Variants in ADGRE3 observed in about 807,000 individuals in gnomAD.
The protein encoded by ADGRE3 is adhesion G protein-coupled receptor E3.
In ADGRE3, 88 loss-of-function variants were observed where a neutral mutation model predicts 80.1. The observed-to-expected ratio is 1.10, with a 90% CI of 0.93 to 1.31. ADGRE3 has a LOEUF of 1.31. ADGRE3 is among the 40% of genes most tolerant of loss of function. ADGRE3 has a pLI of 0.00. For synonymous variants in ADGRE3, 281 were observed against 294.8 expected, an observed-to-expected ratio of 0.95 and a Z score of 0.48; for missense variants, 715 against 776.5, an observed-to-expected ratio of 0.92 and a Z score of 0.94.
intron 5 of ADGRE3, among the ~76,000 whole-genome samples, chr19:14,656,687 G>A (rs1971774933): frequency 1.3e-5 from 2 of 152,282 alleles, no homozygotes; most frequent in African/African-American, 2.4e-5. Context: ...TCTAGTCCCA[G>A]GCAGCCTTTT....
chr19:14,631,890 G>A (rs928108740), intron 13 of ADGRE3, among the ~76,000 whole-genome samples: 4 of 151,972 alleles, frequency 2.6e-5, no homozygotes, highest in Admixed American at 6.6e-5. Flanking sequence ...AGCAGGAAGA[G>A]GGACAGCCAT....
At chr19:14,631,274 C>G (rs1018383219) in intron 13 of ADGRE3, among the ~76,000 whole-genome samples, 38 of 151,920 alleles carry the variant, frequency 2.5e-4, no homozygotes, top group African/African-American at 8.7e-4. Context: ...GTGATGAGTA[C>G]CTTAAATACC....
chr19:14,626,410 C>T (rs751882894), intron 14 of ADGRE3, among the ~76,000 whole-genome samples: 1 of 151,912 alleles, frequency 6.6e-6, no homozygotes, highest in Non-Finnish European at 1.5e-5. Flanking sequence ...GCACTCCAGC[C>T]TGGGAGACAG....
At chr19:14,639,922 C>A (rs188813182) in intron 10 of ADGRE3, among the ~76,000 whole-genome samples, 1 of 152,250 alleles carries the variant, frequency 6.6e-6, no homozygotes, top group Non-Finnish European at 1.5e-5. Flanking sequence ...CAATAGCTCT[C>A]TTGTATTTAT....
chr19:14,635,632 T>C (rs1971016667), intron 11 of ADGRE3, among the ~76,000 whole-genome samples: 1 of 151,844 alleles, frequency 6.6e-6, no homozygotes, highest in Non-Finnish European at 1.5e-5. Context: ...AGGCTGGTCT[T>C]GAACTCCTGA....
At chr19:14,625,316 G>A (rs1000140352) in intron 15 of ADGRE3, among the ~76,000 whole-genome samples, 176 bp downstream of exon 15, 6 of 152,124 alleles carry the variant, frequency 3.9e-5, no homozygotes, top group Admixed American at 1.3e-4. Context: ...GGGTTGATAG[G>A]TGCAGCAAAC....
chr19:14,623,295 A>T (rs1329848353), intron 15 of ADGRE3, among the ~76,000 whole-genome samples: 1 of 22,382 alleles, frequency 4.5e-5, no homozygotes, highest in African/African-American at 1.7e-4. Context: ...TAAAAAAAAA[A>T]AAATAAAAAA....
At chr19:14,671,169 A>G (rs1201126419) in intron 1 of ADGRE3, among the ~76,000 whole-genome samples, 2 of 152,184 alleles carry the variant, frequency 1.3e-5, no homozygotes, top group African/African-American at 2.4e-5. Flanking sequence ...TGAGTTTCCA[A>G]TTGCTGCTAT....
intron 6 of ADGRE3, among the ~76,000 whole-genome samples, chr19:14,652,418 T>G (rs1638712005): frequency 1.3e-5 from 2 of 152,062 alleles, no homozygotes; most frequent in Non-Finnish European, 2.9e-5. Context: ...ATTCTCCTAT[T>G]TCCTTTTGTG....
At chr19:14,620,448 G>GAGTACATATGAA (rs1970518425) in intron 15 of ADGRE3, among the ~76,000 whole-genome samples, 10 of 125,492 alleles carry the variant, frequency 8.0e-5, no homozygotes, top group Non-Finnish European at 1.0e-4. Flanking sequence ...GTATATTCAT[G>GAGTACATATGAA]TATATATGAA....
At chr19:14,665,203 A>G (rs1176435563) in intron 2 of ADGRE3, among the ~76,000 whole-genome samples, 1 of 151,376 alleles carries the variant, frequency 6.6e-6, no homozygotes, top group Non-Finnish European at 1.5e-5. Flanking sequence ...AGCTGGGACT[A>G]GAGGTGCCCG....
At chr19:14,634,078 A>G (rs2146821587) in intron 11 of ADGRE3, among the ~76,000 whole-genome samples, 1 of 152,272 alleles carries the variant, frequency 6.6e-6, no homozygotes, top group East Asian at 1.9e-4. Context: ...CGCCCGGCCA[A>G]CAATCAGCTT....
chr19:14,613,016 T>TC, the ADGRE3 span, among the ~76,000 whole-genome samples: 1 of 150,740 alleles, frequency 6.6e-6, no homozygotes, highest in East Asian at 2.0e-4. Context: ...ACCTCTGCTT[T>TC]CCAGGTTTAA....
chr19:14,618,962 G>A (rs1276411643), downstream of ADGRE3, among the ~76,000 whole-genome samples: 1 of 150,308 alleles, frequency 6.7e-6, no homozygotes, highest in African/African-American at 2.4e-5. Context: ...ATGGCCAGGT[G>A]CAGTGGCTCA....
chr19:14,638,245 T>C lies in ADGRE3; in HGVS notation c.1344A>G (p.Ala448=). 1 of 1,614,032 alleles carries C rather than the reference T, an allele frequency of 6.2e-7. No individual in the cohort carries two copies. Among genetic ancestry groups the C allele is most frequent in the Admixed American group, 1.7e-5 (1 of 59,996 alleles). The change falls in exon 11 of 16, where the codon GCA becomes GCG. Residue 448 remains alanine, a synonymous_variant. Coordinates refer to ENST00000253673, the MANE Select transcript of ADGRE3 (RefSeq NM_032571.5). The stretch of plus-strand genomic sequence containing the variant: ...AGTAGTTGACCACTGTCAGGTTCCG[T>C]GCAGTGAGGAAGAGGTGCACACCCT... ...LLEGVHLFLT[A]RNLTVVNYSS... is the part of the protein sequence containing the mutation.
rs1369014793 is a variant in ADGRE3 at position 14,625,491 on chromosome 19, C to G, written c.1920+1G>C. 9.5e-6 allele frequency: 15 copies of G among 1,579,402 alleles called. No individual in the cohort carries two copies. Among genetic ancestry groups the G allele is most frequent in the Non-Finnish European group, 1.1e-5 (13 of 1,148,476 alleles). ...TAGAACAATTCAGATGTTTCACTTA[C>G]CTCACTGGGTTTTGAGTCAGGACCC... On this transcript the variant is annotated splice_donor_variant, in intron 15 of 15. Transcript: ENST00000253673. LOFTEE classifies it high-confidence loss of function.
At chr19:14,635,190 G>A (rs1218502315) in intron 11 of ADGRE3, among the ~76,000 whole-genome samples, 3 of 152,056 alleles carry the variant, frequency 2.0e-5, no homozygotes, top group Non-Finnish European at 4.4e-5. Context: ...TTGAACTCCT[G>A]TGCTCAGGCG....
intron 3 of ADGRE3, among the ~76,000 whole-genome samples, chr19:14,663,062 G>A (rs1971997270): frequency 6.6e-6 from 1 of 152,054 alleles, no homozygotes; most frequent in Non-Finnish European, 1.5e-5. Context: ...GAGTGCAGTG[G>A]TGCAATCTCG....
At chr19:14,615,586 C>T (rs367870702), downstream of ADGRE3, among the ~76,000 whole-genome samples, 10 of 151,776 alleles carry the variant, frequency 6.6e-5, 1 homozygote, top group East Asian at 3.9e-4. Context: ...CATGTTGAAA[C>T]CCCATCTCTA....
Sources: gnomAD v4.1 joint callset for allele counts (sites outside exome capture counted in the v4.1 genomes callset) on GRCh38, gnomAD v4.1.1 for gene constraint, MANE v1.5 for transcripts, NCBI Gene and HGNC (gene_info 2026-07-23, HGNC 2026-07-21) for gene names.